NRXN3: variants seen among roughly 807,000 people sequenced by gnomAD.
The protein encoded by NRXN3 is neurexin III.
In NRXN3, 32 loss-of-function variants were observed where a neutral mutation model predicts 137.6. The ratio of observed to expected loss-of-function variants is 0.23; its 90% CI spans 0.18 to 0.31. The LOEUF (loss-of-function observed/expected upper bound fraction) is 0.31, where lower values mean the gene tolerates loss of function less well. Among genes scored for constraint, NRXN3 ranks in the 10% least tolerant of loss-of-function variants. The pLI is 1.00. For synonymous variants in NRXN3, 798 were observed against 784.5 expected, an observed-to-expected ratio of 1.02 and a Z score of -0.29; for missense variants, 1,574 against 2,062.5, an observed-to-expected ratio of 0.76 and a Z score of 4.59.
At chr14:79,816,349 C>T (rs185690536) in intron 20 of NRXN3, among the ~76,000 whole-genome samples, 4 of 152,256 alleles carry the variant, frequency 2.6e-5, no homozygotes, top group African/African-American at 7.2e-5. Flanking sequence ...CTCGGGTTTC[C>T]CTATTGCCTC....
chr14:78,399,432 T>C (rs2091834683), intron 4 of NRXN3, among the ~76,000 whole-genome samples: 1 of 152,166 alleles, frequency 6.6e-6, no homozygotes, highest in Non-Finnish European at 1.5e-5. Context: ...TTGATAAGTG[T>C]ATGAGAAATG....
intron 16 of NRXN3, among the ~76,000 whole-genome samples, chr14:79,539,829 C>T (rs2097255013): frequency 6.6e-6 from 1 of 152,218 alleles, no homozygotes; most frequent in Non-Finnish European, 1.5e-5. Flanking sequence ...TGGACACAGA[C>T]TCTTCTGCCC....
At chr14:79,840,278 A>G (rs1227374137) in intron 20 of NRXN3, among the ~76,000 whole-genome samples, 1 of 152,136 alleles carries the variant, frequency 6.6e-6, no homozygotes, top group African/African-American at 2.4e-5. Flanking sequence ...GGAACTTTTA[A>G]AACATGTAGA....
intron 4 of NRXN3, among the ~76,000 whole-genome samples, chr14:78,472,805 C>G (rs2153730767): frequency 6.6e-6 from 1 of 152,232 alleles, no homozygotes; most frequent in South Asian, 2.1e-4. Flanking sequence ...ACTGTGCTGG[C>G]TTGTCTCCAC....
At chr14:79,014,926 G>A (rs1257221608) in intron 15 of NRXN3, among the ~76,000 whole-genome samples, 1 of 152,058 alleles carries the variant, frequency 6.6e-6, no homozygotes, top group Non-Finnish European at 1.5e-5. Context: ...GAGTCACTGG[G>A]GACCAGGAAT....
At chr14:79,102,093 A>T (rs555226832) in intron 15 of NRXN3, among the ~76,000 whole-genome samples, 1 of 152,266 alleles carries the variant, frequency 6.6e-6, no homozygotes, top group South Asian at 2.1e-4. Context: ...TCATGTCTTG[A>T]TTTGAGACTT....
intron 15 of NRXN3, among the ~76,000 whole-genome samples, chr14:79,228,464 A>G (rs1447066770): frequency 3.9e-5 from 6 of 152,322 alleles, no homozygotes; most frequent in East Asian, 3.9e-4. Context: ...TGCAATGCCA[A>G]TCAGATACTT....
chr14:78,351,083 CTA>C (rs1305853814), intron 4 of NRXN3, among the ~76,000 whole-genome samples: 3 of 152,266 alleles, frequency 2.0e-5, no homozygotes, highest in African/African-American at 7.2e-5. Flanking sequence ...CCAGACTTTC[CTA>C]TGTTAGTCTC....
intron 10 of NRXN3, among the ~76,000 whole-genome samples, chr14:78,891,726 G>T (rs1053139448): frequency 1.3e-5 from 2 of 151,860 alleles, no homozygotes; most frequent in African/African-American, 2.4e-5. Flanking sequence ...CCTTTAGCTT[G>T]CCAAATGTGA....
chr14:79,638,432 C>T (rs914641077), intron 16 of NRXN3, among the ~76,000 whole-genome samples: 7 of 152,078 alleles, frequency 4.6e-5, no homozygotes, highest in East Asian at 1.9e-4. Flanking sequence ...GACAGAGTGA[C>T]GTATGAGTAG....
At chr14:79,703,217 G>A (rs1002491506) in intron 19 of NRXN3, among the ~76,000 whole-genome samples, 7 of 152,080 alleles carry the variant, frequency 4.6e-5, no homozygotes, top group Non-Finnish European at 8.8e-5. Flanking sequence ...ATTCCAGAAG[G>A]AAGCCACAAT....
chr14:79,162,946 C>A (rs1413295826), intron 15 of NRXN3, among the ~76,000 whole-genome samples: 1 of 151,990 alleles, frequency 6.6e-6, no homozygotes, highest in East Asian at 1.9e-4. Context: ...TCTTTTATTT[C>A]TCCTCTCTTA....
At chr14:79,694,777 G>C (rs1480848921) in intron 18 of NRXN3, among the ~76,000 whole-genome samples, 3 of 151,922 alleles carry the variant, frequency 2.0e-5, no homozygotes, top group African/African-American at 4.8e-5. Context: ...AGGACACGAA[G>C]AGTGCTCTAC....
chr14:79,559,274 G>A (rs1286494952), intron 16 of NRXN3, among the ~76,000 whole-genome samples: 1 of 152,052 alleles, frequency 6.6e-6, no homozygotes, highest in East Asian at 1.9e-4. Context: ...CTTTTGATAT[G>A]TCTTCCTCAC....
intron 19 of NRXN3, among the ~76,000 whole-genome samples, chr14:79,767,388 G>T (rs867380208): frequency 9.2e-5 from 14 of 152,102 alleles, no homozygotes; most frequent in Non-Finnish European, 7.4e-5. Context: ...CAGCACTCAC[G>T]TTATTTTTTT....
chr14:78,355,798 T>C (rs2084212632), intron 4 of NRXN3, among the ~76,000 whole-genome samples: 1 of 152,202 alleles, frequency 6.6e-6, no homozygotes, highest in South Asian at 2.1e-4. Flanking sequence ...TACGGATACG[T>C]CATTTATCAA....
chr14:79,759,276 AC>A (rs1244297975), intron 19 of NRXN3, among the ~76,000 whole-genome samples: 1 of 148,182 alleles, frequency 6.7e-6, no homozygotes, highest in Non-Finnish European at 1.5e-5. Flanking sequence ...AACTGCTGAT[AC>A]CCAGAAATAG....
chr14:79,816,608 C>T (rs2099252238), intron 20 of NRXN3, among the ~76,000 whole-genome samples: 1 of 152,104 alleles, frequency 6.6e-6, no homozygotes, highest in Admixed American at 6.6e-5. Context: ...ATATTCTGTC[C>T]CTTGAGCTTT....
chr14:79,050,415 T>G (rs1052203417), intron 15 of NRXN3, among the ~76,000 whole-genome samples: 11 of 152,202 alleles, frequency 7.2e-5, no homozygotes, highest in African/African-American at 2.2e-4. Context: ...TGCAGCCCCA[T>G]TTCTTTTTAT....
Sources: gnomAD v4.1 joint callset for allele counts (sites outside exome capture counted in the v4.1 genomes callset) on GRCh38, gnomAD v4.1.1 for gene constraint, MANE v1.5 for transcripts, NCBI Gene and HGNC (gene_info 2026-07-23, HGNC 2026-07-21) for gene names.